Variants in CAPS2 observed in about 807,000 individuals in gnomAD.
CAPS2 encodes the protein calcyphosine 2.
CAPS2 carries 98 observed loss-of-function variants against 86.5 expected under a neutral mutation model. The observed-to-expected ratio is 1.13, with a 90% CI of 0.96 to 1.34. CAPS2 has a LOEUF of 1.34. Ranked by LOEUF, CAPS2 falls within the 40% of genes most tolerant of loss-of-function variation. CAPS2 has a pLI of 0.00. For synonymous variants in CAPS2, 210 were observed against 225.1 expected, an observed-to-expected ratio of 0.93 and a Z score of 0.60; for missense variants, 729 against 686.8, an observed-to-expected ratio of 1.06 and a Z score of -0.69.
intron 15 of CAPS2, among the ~76,000 whole-genome samples, chr12:75,282,578 G>A (rs2034164473): frequency 6.6e-6 from 1 of 152,078 alleles, no homozygotes; most frequent in African/African-American, 2.4e-5. Context: ...GTAGAGGCGG[G>A]GTTTCGCCAT....
At chr12:75,388,743 T>C (rs1012734483) in intron 1 of CAPS2, among the ~76,000 whole-genome samples, 3 of 152,124 alleles carry the variant, frequency 2.0e-5, no homozygotes, top group Non-Finnish European at 2.9e-5. Context: ...TACCAACCCA[T>C]GAAATGTGCA....
chr12:75,312,892 C>T (rs754092936), exon 7 of CAPS2: 1 of 1,607,844 alleles, frequency 6.2e-7, no homozygotes, highest in Non-Finnish European at 8.5e-7. Flanking sequence ...CAATCTGTTT[C>T]TTCTTCTCTG....
At chr12:75,324,320 C>CGA (rs998668501) in intron 2 of CAPS2, among the ~76,000 whole-genome samples, 5 of 152,112 alleles carry the variant, frequency 3.3e-5, no homozygotes, top group African/African-American at 1.2e-4. Flanking sequence ...ATGGAATCTA[C>CGA]GAGAGAGAGA....
At chr12:75,341,555 T>C (rs1018009089) in intron 1 of CAPS2, among the ~76,000 whole-genome samples, 2 of 152,052 alleles carry the variant, frequency 1.3e-5, no homozygotes, top group Non-Finnish European at 2.9e-5. Context: ...CACGCCATTC[T>C]CCTGCCTCAG....
exon 5 of CAPS2, chr12:75,321,517 A>G: frequency 6.5e-7 from 1 of 1,548,486 alleles, no homozygotes; most frequent in Non-Finnish European, 8.7e-7. Flanking sequence ...TACATTGCTG[A>G]TATTTTAGTT....
At chr12:75,352,391 C>A (rs1417815577) in intron 1 of CAPS2, among the ~76,000 whole-genome samples, 7 of 152,052 alleles carry the variant, frequency 4.6e-5, no homozygotes, top group East Asian at 1.9e-4. Context: ...CAACAAAGAT[C>A]AAAAAAGACA....
chr12:75,317,370 C>T (rs112712869), intron 5 of CAPS2, among the ~76,000 whole-genome samples: 2,511 of 152,012 alleles, frequency 0.017, 61 homozygotes, highest in African/African-American at 0.052. Flanking sequence ...TTCTAAATAG[C>T]GATTTATTTA....
chr12:75,370,185 A>G (rs1490023498), intron 1 of CAPS2: 7 of 1,308,824 alleles, frequency 5.3e-6, no homozygotes, highest in Non-Finnish European at 6.6e-6. Context: ...AATGTCATTT[A>G]TATACAAAAG....
intron 8 of CAPS2, among the ~76,000 whole-genome samples, chr12:75,302,295 A>G (rs1407194731): frequency 1.3e-5 from 2 of 152,350 alleles, no homozygotes; most frequent in South Asian, 2.1e-4. Context: ...ACTCTAATAC[A>G]ACGCAATACT....
exon 3 of CAPS2, chr12:75,323,217 G>A (rs1162669132): frequency 2.6e-6 from 4 of 1,543,672 alleles, no homozygotes; most frequent in Admixed American, 2.0e-5. Context: ...ATCAAGTCGT[G>A]GGACCCTGAA....
intron 1 of CAPS2, among the ~76,000 whole-genome samples, chr12:75,378,236 G>A (rs2044765491): frequency 6.6e-6 from 1 of 152,090 alleles, no homozygotes; most frequent in Non-Finnish European, 1.5e-5. Flanking sequence ...TAAGCTCAAA[G>A]CAATCCACCT....
intron 1 of CAPS2, among the ~76,000 whole-genome samples, chr12:75,377,840 G>GATATATATATATATATATATATATAT (rs71078726): frequency 2.0e-5 from 3 of 146,984 alleles, no homozygotes; most frequent in Admixed American, 2.0e-4. Flanking sequence ...AACCATCACA[G>GATATATATATATATATATATATATAT]ATATATATAT....
intron 4 of CAPS2, 40 bp from the exon 5 acceptor site, chr12:75,321,616 A>T: frequency 7.0e-7 from 1 of 1,431,644 alleles, no homozygotes; most frequent in Non-Finnish European, 9.5e-7. Context: ...CAGAAAAAAA[A>T]AGTATTAATT....
intron 5 of CAPS2, among the ~76,000 whole-genome samples, chr12:75,318,640 C>T (rs1457140424): frequency 6.6e-6 from 1 of 152,236 alleles, no homozygotes; most frequent in East Asian, 1.9e-4. Context: ...AAGGTCTCCC[C>T]TGTGATCCTA....
intron 14 of CAPS2, among the ~76,000 whole-genome samples, chr12:75,285,546 A>G (rs2034722255): frequency 6.6e-6 from 1 of 151,970 alleles, no homozygotes; most frequent in Non-Finnish European, 1.5e-5. Context: ...TAGATCACCC[A>G]GAACTTAATC....
At chr12:75,342,978 CT>C (rs1278456606) in intron 1 of CAPS2, among the ~76,000 whole-genome samples, 2 of 151,738 alleles carry the variant, frequency 1.3e-5, no homozygotes, top group Non-Finnish European at 2.9e-5. Flanking sequence ...GCATATTTTC[CT>C]TGTATCTTTC....
At chr12:75,348,930 G>T (rs1205092209) in intron 1 of CAPS2, among the ~76,000 whole-genome samples, 1 of 152,182 alleles carries the variant, frequency 6.6e-6, no homozygotes, top group Non-Finnish European at 1.5e-5. Context: ...CTGTCTCAGT[G>T]AGAGTGTTCA....
At chr12:75,352,987 G>A (rs11532496) in intron 1 of CAPS2, among the ~76,000 whole-genome samples, 11,610 of 152,154 alleles carry the variant, frequency 0.076, 591 homozygotes, top group South Asian at 0.25. Flanking sequence ...CTGGGACGCA[G>A]CTAAAGCAGT....
At chr12:75,324,853 C>T (rs2040619353) in intron 2 of CAPS2, among the ~76,000 whole-genome samples, 1 of 151,910 alleles carries the variant, frequency 6.6e-6, no homozygotes. Context: ...AATTGTCATA[C>T]TCCTCAAAAT....
Sources: allele counts gnomAD v4.1 joint callset (sites outside exome capture counted in the v4.1 genomes callset), GRCh38; gene constraint gnomAD v4.1.1; transcripts MANE v1.5; gene names NCBI Gene and HGNC (gene_info 2026-07-23, HGNC 2026-07-21).